The following TLN1 variants were observed in gnomAD, a reference collection of about 807,000 sequenced individuals.
The protein encoded by TLN1 is talin-1.
TLN1 carries 56 observed loss-of-function variants against 292.3 expected under a neutral mutation model. That is an observed-to-expected ratio of 0.19 (90% CI 0.15 to 0.24). The LOEUF is 0.24. Ranked by LOEUF, TLN1 falls within the 10% of genes least tolerant of loss-of-function variation. TLN1 has a pLI of 1.00. For synonymous variants in TLN1, 1,119 were observed against 1,253.7 expected (o/e 0.89, Z 2.27); for missense variants, 2,433 against 3,248.2 (o/e 0.75, Z 6.10).
chr9:35,710,711 C>T, intron 32 of TLN1, 28 bp from the exon 33 acceptor site: 1 of 1,613,692 alleles, frequency 6.2e-7, no homozygotes. Context: ...TCAGGGGAGT[C>T]AGAGCATGTC....
intron 27 of TLN1, among the ~76,000 whole-genome samples, 171 bp downstream of exon 27, chr9:35,712,664 A>AT (rs1048432965): frequency 6.6e-6 from 1 of 151,998 alleles, no homozygotes; most frequent in African/African-American, 2.4e-5. Flanking sequence ...AAAAAAAAAA[A>AT]AAAAGACTAA....
chr9:35,706,708 C>CTT lies in TLN1; in HGVS notation c.5088+58_5088+59dup. 1 of 1,595,678 alleles carries CTT rather than the reference C, an allele frequency of 6.3e-7. No homozygotes were observed. The highest frequency in any genetic ancestry group is 1.1e-5 in the South Asian group (1 of 88,578). On this transcript the variant is annotated intron_variant, in intron 38 of 56. Coordinates refer to ENST00000314888, the MANE Select transcript of TLN1 (RefSeq NM_006289.4). This position sits in a 1 kb window ranked among gnomAD's most constrained non-coding sequence, Gnocchi z 4.2. ...AAGCCACTCCTTGATCCCCCAGCTT[C>CTT]TTTGAGTCTGATATTTCTCTTCCTA...
Position 35,704,002 on chromosome 9 carries a change from G to T in TLN1, c.6220C>A (p.Pro2074Thr). The T allele has an allele frequency of 1.2e-6, 2 of 1,612,852 alleles. No individual in the cohort carries two copies. The highest frequency in any genetic ancestry group is 1.7e-6 in the Non-Finnish European group (2 of 1,179,140). Residue 2074 changes from proline to threonine, a missense_variant, in exon 46 of 57, where the codon CCT becomes ACT. Around this residue, in one of 7 missense-constraint regions of TLN1, gnomAD observed 1,384 missense variants for 1,699.6 expected, o/e 0.81. Transcript: ENST00000314888. This position sits in a 1 kb window ranked among gnomAD's most constrained non-coding sequence, Gnocchi z 6.9. ...CATCAGGTCACTACCTGGGTCTCAG[G>T]GTCCTCAGCTCCCAGGCTGGCTGCA... Reference protein sequence around the residue: ...LGAASLGAEDPETQVVLINAV... With the variant: ...LGAASLGAEDTETQVVLINAV...
rs756880213 is a variant in TLN1 at position 35,707,393 on chromosome 9, C to A, written c.4728G>T (p.Ala1576=). Residue 1576 remains alanine (A), a synonymous_variant, in exon 36 of 57, where the codon GCG becomes GCT. Coordinates refer to ENST00000314888, the MANE Select transcript of TLN1 (RefSeq NM_006289.4). This position sits in a 1 kb window ranked among gnomAD's most constrained non-coding sequence, Gnocchi z 5.6. ...LEAVDNLSAF[A]SNPEFSSIPA... is the part of the protein sequence containing the mutation. ...GAATGCTGGAGAACTCAGGGTTGGA[C>A]GCAAAGGCACTCAGATTGTCCACAG... The A allele has an allele frequency of 6.2e-7, 1 of 1,614,142 alleles. No individual in the cohort carries two copies. Among genetic ancestry groups the A allele is most frequent in the East Asian group, 2.2e-5 (1 of 44,880 alleles).
rs371857243 is a variant in TLN1, at chr9:35,711,375, T to G, written c.3899A>C (p.Gln1300Pro). The G allele has an allele frequency of 3.1e-6, 5 of 1,614,114 alleles. No homozygotes were observed. In the South Asian group the frequency reaches 5.5e-5, roughly 18 times the overall value. ...GQAPSQEDRA[Q>P]VVSNLKGISM... ...GATGCCCTTCAAGTTGGACACAACT[T>G]GGGCTCGGTCCTCCTGGCTCTGTTG... Residue 1300 changes from glutamine (Q) to proline (P), a missense_variant, in exon 30 of 57, where the codon CAA (glutamine) becomes CCA (proline). Gln to Pro is a moderately conservative substitution (Grantham distance 76, BLOSUM62 -1). Coordinates refer to ENST00000314888, the MANE Select transcript of TLN1 (RefSeq NM_006289.4).
At position 35,717,891 on chromosome 9, in the gene TLN1, G is replaced by GA; in HGVS notation, c.1996-106dup. ...ATTATTCCCACTGATCCAATCAAAG[G>GA]AGAGTGTACGCAGAAGCAACCAGAA... is the stretch of plus-strand genomic sequence containing the variant. On this transcript the variant is annotated intron_variant, in intron 17 of 56. Coordinates refer to ENST00000314888, the MANE Select transcript of TLN1 (RefSeq NM_006289.4). The surrounding 1 kb of genome is among the most constrained non-coding windows in gnomAD (Gnocchi z 4.7). 1 of 1,385,668 alleles carries GA rather than the reference G, an allele frequency of 7.2e-7. No individual in the cohort carries two copies. Among genetic ancestry groups the GA allele is most frequent in the Middle Eastern group, 2.6e-4 (1 of 3,782 alleles). The allele number at this position is 1,385,668 out of a possible 1,614,324, so 85.8% of individuals were successfully genotyped here.
Position 35,714,486 on chromosome 9 carries a change from G to A in TLN1, c.2985+88C>T, listed in dbSNP as rs532225215. 3 of 1,581,744 alleles carry A rather than the reference G, an allele frequency of 1.9e-6. No individual in the cohort carries two copies. The South Asian group carries it at 3.4e-5, about 18-fold the overall frequency. ...CACTGGGGCTTGGTATTGGGAAAGA[G>A]GCTCTTGGCAGAGATTCAAACTGTG... On this transcript the variant is annotated intron_variant, in intron 23 of 56. Coordinates refer to ENST00000314888, the MANE Select transcript of TLN1 (RefSeq NM_006289.4). The surrounding 1 kb of genome is among the most constrained non-coding windows in gnomAD (Gnocchi z 4.6).
chr9:35,721,552 CT>C, intron 10 of TLN1, 95 bp downstream of exon 10: 1 of 1,384,606 alleles, frequency 7.2e-7, no homozygotes, highest in South Asian at 1.4e-5. Flanking sequence ...TGGAGTAATA[CT>C]CAGTATACTT....
Position 35,724,112 on chromosome 9 carries a change from T to C in TLN1, c.655-33A>G, listed in dbSNP as rs1825925145. 1 of 1,612,678 alleles carries C rather than the reference T, an allele frequency of 6.2e-7. No homozygotes were observed. Among genetic ancestry groups the C allele is most frequent in the Admixed American group, 1.7e-5 (1 of 59,984 alleles). On this transcript the variant is annotated intron_variant, in intron 6 of 56. Transcript: ENST00000314888. This position sits in a 1 kb window ranked among gnomAD's most constrained non-coding sequence, Gnocchi z 4.7. ...GCACAGGGCAAGGAGGCGAATGTTG[T>C]GTGTGGGTGCAAGGACACGCACACT... is the stretch of plus-strand genomic sequence containing the variant.
At chr9:35,711,425 C>T (rs779294277) in intron 29 of TLN1, 31 bp from the exon 30 acceptor site, 3 of 1,613,738 alleles carry the variant, frequency 1.9e-6, no homozygotes, top group East Asian at 2.2e-5. Flanking sequence ...AATGCATTGT[C>T]CTGTCCTTTC....
At chr9:35,720,612 A>C in intron 11 of TLN1, 103 bp from the exon 12 acceptor site, 1 of 1,140,506 alleles carries the variant, frequency 8.8e-7, no homozygotes. Flanking sequence ...CCAGAAGCTG[A>C]GTGTCCATTT....
Position 35,719,825 on chromosome 9 carries a change from G to T in TLN1, c.1493C>A (p.Thr498Asn), listed in dbSNP as rs1825849635. 6.3e-7 allele frequency: 1 copy of T among 1,593,538 alleles called. No individual in the cohort carries two copies. The highest frequency in any genetic ancestry group is 2.3e-5 in the East Asian group (1 of 44,208). Residue 498 changes from threonine to asparagine, a missense_variant, in exon 14 of 57, where the codon ACC becomes AAC. Physicochemically the swap from Thr to Asn is moderately conservative, Grantham distance 65. Around this residue, in one of 7 missense-constraint regions of TLN1, gnomAD observed 617 missense variants for 770.6 expected, o/e 0.80. Transcript: ENST00000314888. This position sits in a 1 kb window ranked among gnomAD's most constrained non-coding sequence, Gnocchi z 4.6. ...LTSAQQALTGTINSSMQAVQA... is the reference protein window; with the variant it reads ...LTSAQQALTGNINSSMQAVQA... ...CACGGCCTGCATGCTGGAGTTAATG[G>T]TTCCAGTGAGTGCCTGCTGGGCTGA...
At position 35,721,970 on chromosome 9, in the gene TLN1, C is replaced by G; in HGVS notation, c.948+149G>C. ...GTGGTGGTGTAGGGCTGATGACAGG[C>G]AGGTTTTCATGAGGTCAGAGCAAGG... is the stretch of plus-strand genomic sequence containing the variant. On this transcript the variant is annotated intron_variant, in intron 9 of 56. Transcript: ENST00000314888. The G allele has an allele frequency of 2.6e-6, 3 of 1,140,170 alleles. No homozygotes were observed. In the South Asian group the frequency reaches 4.1e-5, roughly 16 times the overall value. The allele number at this position is 1,140,170 out of a possible 1,614,324, so 70.6% of individuals were successfully genotyped here. A position where few individuals can be genotyped will look rare whatever the true frequency, so the allele number is the denominator to read the frequency against.
At chr9:35,711,423 G>A in intron 29 of TLN1, 29 bp from the exon 30 acceptor site, 1 of 1,613,768 alleles carries the variant, frequency 6.2e-7, no homozygotes, top group Non-Finnish European at 8.5e-7. Context: ...TCAATGCATT[G>A]TCCTGTCCTT....
rs780739132 is a variant in TLN1, at chr9:35,710,047, T to TA, written c.4326+513dup. ...TAACATGGTGAAACCCTGTCTTTAC[T>TA]AAAAAAAAAAAAAAAAATACAAAAA... On this transcript the variant is annotated intron_variant, in intron 33 of 56. Coordinates refer to ENST00000314888, the MANE Select transcript of TLN1 (RefSeq NM_006289.4). Among the ~76,000 whole-genome samples, 805 of 115,426 alleles carry TA rather than the reference T, an allele frequency of 7.0e-3. 3 individuals carry two copies. Among genetic ancestry groups the TA allele is most frequent in the Middle Eastern group, 0.017 (4 of 232 alleles). 75.7% of individuals were successfully genotyped at this position (115,426 alleles called of 152,430 possible).
In TLN1 at chr9:35,709,779, C is replaced by T. The variant is rs868513189; in HGVS notation, c.4326+782G>A. On this transcript the variant is annotated intron_variant, in intron 33 of 56. Coordinates refer to ENST00000314888, the MANE Select transcript of TLN1 (RefSeq NM_006289.4). The stretch of plus-strand genomic sequence containing the variant: ...GCGCGCGCCTGTAGTCCCAGCTACA[C>T]GGGAGGCTGAGGCAGGAGAATGGCG... Among the ~76,000 whole-genome samples, 15 of 139,908 alleles carry T rather than the reference C, an allele frequency of 1.1e-4. 1 individual carries two copies. In the Middle Eastern group the frequency reaches 0.036, roughly 333 times the overall value. 91.8% of individuals were successfully genotyped at this position (139,908 alleles called of 152,430 possible).
intron 20 of TLN1, 68 bp downstream of exon 20, chr9:35,716,322 G>T: frequency 6.4e-7 from 1 of 1,563,556 alleles, no homozygotes; most frequent in East Asian, 2.3e-5. Context: ...TCAGATGAGG[G>T]TGACCATCTG....
chr9:35,719,366 T>C lies in TLN1; in HGVS notation c.1688-84A>G. On this transcript the variant is annotated intron_variant, in intron 15 of 56. Transcript: ENST00000314888. The surrounding 1 kb of genome is among the most constrained non-coding windows in gnomAD (Gnocchi z 4.6). ...GGGAGGGAGCAAAGTCACACCCAGT[T>C]AGTCACACACATGTCCACAGAAAGA... 1 of 1,411,388 alleles carries C rather than the reference T, an allele frequency of 7.1e-7. No individual in the cohort carries two copies. Among genetic ancestry groups the C allele is most frequent in the Admixed American group, 1.7e-5 (1 of 57,318 alleles). 87.4% of individuals were successfully genotyped at this position (1,411,388 alleles called of 1,614,324 possible).
chr9:35,708,015 G>A, intron 34 of TLN1, 123 bp from the exon 35 acceptor site: 1 of 1,170,680 alleles, frequency 8.5e-7, no homozygotes, highest in Non-Finnish European at 1.2e-6. Flanking sequence ...AGGAATAACA[G>A]AGTCACCTGA....
Sources: gnomAD v4.1 joint callset for allele counts (sites outside exome capture counted in the v4.1 genomes callset) on GRCh38, gnomAD v4.1.1 for gene constraint, gnomAD v4.1.1 regional missense constraint, Gnocchi (gnomAD v3.1) non-coding constraint, MANE v1.5 for transcripts, NCBI Gene and HGNC (gene_info 2026-07-23, HGNC 2026-07-21) for gene names.